MORF4L1: variants seen among roughly 807,000 people sequenced by gnomAD.
MORF4L1 encodes mortality factor 4-like protein 1.
A neutral mutation model predicts 52.9 loss-of-function variants in MORF4L1; 4 were observed. That is an observed-to-expected ratio of 0.08 (90% CI 0.04 to 0.17). The LOEUF (loss-of-function observed/expected upper bound fraction) is 0.17, where lower values mean the gene tolerates loss of function less well. Ranked by LOEUF, MORF4L1 falls within the 10% of genes least tolerant of loss-of-function variation. The pLI is 1.00. For synonymous variants in MORF4L1, 123 were observed against 134.8 expected (o/e 0.91, Z 0.61); for missense variants, 214 against 390.4 (o/e 0.55, Z 3.81).
rs2056874590 is a variant in MORF4L1 at position 78,895,626 on chromosome 15, C to T, written c.887+722C>T. On this transcript the variant is annotated intron_variant, in intron 11 of 11. Transcript: ENST00000426013. Reference sequence around the variant, plus strand: ...TGTTTTCAATTGAAAAACAGCCAAGCTGTAGTAGAGGAGTATGGTGTAATT... The same window carrying T: ...TGTTTTCAATTGAAAAACAGCCAAGTTGTAGTAGAGGAGTATGGTGTAATT... 2.0e-5 allele frequency among the ~76,000 whole-genome samples: 3 copies of T among 152,162 alleles called. No individual in the cohort carries two copies. The South Asian group carries it at 6.2e-4, about 32-fold the overall frequency.
At chr15:78,889,007 T>C (rs1488285163) in intron 5 of MORF4L1, among the ~76,000 whole-genome samples, 1 of 152,236 alleles carries the variant, frequency 6.6e-6, no homozygotes, top group Admixed American at 6.5e-5. Context: ...AAAGTAATAG[T>C]TCATAACTAA....
intron 8 of MORF4L1, 117 bp downstream of exon 8, chr15:78,892,430 A>G (rs1037827426): frequency 5.0e-6 from 3 of 596,094 alleles, no homozygotes; most frequent in Admixed American, 6.3e-5. Flanking sequence ...CTGATAAAAT[A>G]ATATTTTAAT....
At chr15:78,891,660 A>G (rs2056804342) in intron 7 of MORF4L1, 88 bp downstream of exon 7, 1 of 1,080,748 alleles carries the variant, frequency 9.3e-7, no homozygotes. Context: ...ATTATCTACA[A>G]GATTTGCTTA....
intron 10 of MORF4L1, chr15:78,894,534 A>G: frequency 5.2e-6 from 2 of 384,610 alleles, no homozygotes; most frequent in Non-Finnish European, 9.3e-6. Context: ...CAGCCTCCCA[A>G]GTAGCTGGGA....
Position 78,886,201 on chromosome 15 carries a change from A to G in MORF4L1, c.216A>G (p.Lys72=), listed in dbSNP as rs772382748. 2 of 1,613,968 alleles carry G rather than the reference A, an allele frequency of 1.2e-6. No homozygotes were observed. The highest frequency in any genetic ancestry group is 1.1e-5 in the South Asian group (1 of 91,086). The change falls in exon 4 of 12, where the codon AAA becomes AAG. Residue 72 remains lysine, a synonymous_variant. Coordinates refer to ENST00000426013, the MANE Select transcript of MORF4L1 (RefSeq NM_006791.4). ...VLKYVDTNLQ[K]QRELQKANQE... is the part of the protein sequence containing the mutation. ...AATACGTGGACACCAATTTGCAGAA[A>G]CAGCGAGAACTTCAAAAAGCCAATC...
chr15:78,875,800 T>A (rs1042197433), intron 1 of MORF4L1, among the ~76,000 whole-genome samples: 1 of 147,866 alleles, frequency 6.8e-6, no homozygotes, highest in African/African-American at 2.6e-5. Flanking sequence ...AAAAAAAAAA[T>A]TTATTAATTA....
intron 5 of MORF4L1, among the ~76,000 whole-genome samples, chr15:78,889,459 T>C (rs2056762284): frequency 6.6e-6 from 1 of 152,228 alleles, no homozygotes; most frequent in Admixed American, 6.5e-5. Context: ...ATTGGGATTT[T>C]TGGAGCATTT....
In MORF4L1 at chr15:78,873,068, G is replaced by A. The variant is rs200078853; in HGVS notation, c.40+11G>A. ...CTAAATTCCAGGAGGGTGAGTGTGCGCCTTTGGGAAAAAGGCACCTAACGG... is the reference window on the plus strand; with the variant it reads ...CTAAATTCCAGGAGGGTGAGTGTGCACCTTTGGGAAAAAGGCACCTAACGG... On this transcript the variant is annotated intron_variant, in intron 1 of 11. Transcript: ENST00000426013. 3.2e-6 allele frequency: 5 copies of A among 1,551,140 alleles called. No individual in the cohort carries two copies. The highest frequency in any genetic ancestry group is 4.4e-6 in the Non-Finnish European group (5 of 1,146,750).
intron 3 of MORF4L1, 126 bp from the exon 4 acceptor site, chr15:78,886,015 A>C: frequency 1.5e-6 from 1 of 675,954 alleles, no homozygotes; most frequent in Non-Finnish European, 2.6e-6. Flanking sequence ...ATTTTAGTTG[A>C]GAATATATTT....
intron 1 of MORF4L1, among the ~76,000 whole-genome samples, chr15:78,877,240 C>A (rs767289108): frequency 6.6e-6 from 1 of 151,810 alleles, no homozygotes; most frequent in Non-Finnish European, 1.5e-5. Flanking sequence ...CGTGCCTCAG[C>A]CTCCCGAATA....
intron 3 of MORF4L1, among the ~76,000 whole-genome samples, chr15:78,883,603 T>C (rs1192535122): frequency 1.3e-5 from 2 of 152,214 alleles, no homozygotes; most frequent in Non-Finnish European, 2.9e-5. Flanking sequence ...ATTTGACACA[T>C]ATTAATTACT....
intron 5 of MORF4L1, among the ~76,000 whole-genome samples, chr15:78,888,697 G>T (rs1301055274): frequency 3.3e-5 from 5 of 152,136 alleles, no homozygotes; most frequent in Non-Finnish European, 1.5e-5. Flanking sequence ...ATCTGTGATT[G>T]CACCACTGCG....
chr15:78,887,158 A>T, intron 4 of MORF4L1, 111 bp from the exon 5 acceptor site: 2 of 879,320 alleles, frequency 2.3e-6, no homozygotes, highest in Non-Finnish European at 3.6e-6. Context: ...CCAACTTGTT[A>T]AAAACTTGTT....
intron 1 of MORF4L1, chr15:78,876,507 C>A (rs768856097): frequency 1.1e-5 from 5 of 455,682 alleles, no homozygotes; most frequent in African/African-American, 4.0e-5. Context: ...ACTAGGGCCT[C>A]GTAGCTAGAA....
intron 10 of MORF4L1, chr15:78,894,495 G>A (rs1388069801): frequency 5.5e-6 from 2 of 362,660 alleles, no homozygotes; most frequent in Non-Finnish European, 4.9e-6. Flanking sequence ...TGCAACCTCC[G>A]CCTCCTGGGT....
intron 1 of MORF4L1, chr15:78,876,403 T>C: frequency 2.7e-6 from 1 of 369,924 alleles, no homozygotes; most frequent in Admixed American, 3.4e-5. Flanking sequence ...CCATTGGAAA[T>C]TCTTTTTTGT....
intron 2 of MORF4L1, 94 bp from the exon 3 acceptor site, chr15:78,880,418 A>C: frequency 1.2e-6 from 1 of 850,168 alleles, no homozygotes; most frequent in Non-Finnish European, 1.9e-6. Context: ...AGGCCACCAT[A>C]AAGCTTGTGT....
chr15:78,877,158 TCA>T (rs1319596979), intron 1 of MORF4L1, among the ~76,000 whole-genome samples: 12 of 112,252 alleles, frequency 1.1e-4, no homozygotes, highest in Non-Finnish European at 1.9e-4. Flanking sequence ...CGGCTCCTTC[TCA>T]CCCAGGCTGG....
chr15:78,878,672 T>G (rs1261076010), intron 2 of MORF4L1, among the ~76,000 whole-genome samples: 1 of 152,244 alleles, frequency 6.6e-6, no homozygotes, highest in Non-Finnish European at 1.5e-5. Context: ...TACATTTAAC[T>G]GTTGATTGTT....
Sources: allele counts gnomAD v4.1 joint callset (sites outside exome capture counted in the v4.1 genomes callset), GRCh38; gene constraint gnomAD v4.1.1; transcripts MANE v1.5; gene names NCBI Gene and HGNC (gene_info 2026-07-23, HGNC 2026-07-21).